UNC80: variants seen among roughly 807,000 people sequenced by gnomAD.
UNC80 encodes protein unc-80 homolog.
In UNC80, 164 loss-of-function variants were observed where a neutral mutation model predicts 384.6. That is an observed-to-expected ratio of 0.43 (90% CI 0.38 to 0.49). UNC80 has a LOEUF of 0.49. Ranked by LOEUF, UNC80 falls within the 20% of genes least tolerant of loss-of-function variation. The pLI, the probability that UNC80 is intolerant of heterozygous loss-of-function variation, is 0.00. For synonymous variants in UNC80, 1,486 were observed against 1,527.8 expected (o/e 0.97, Z 0.64); for missense variants, 3,330 against 4,143.0 (o/e 0.80, Z 5.39).
intron 7 of UNC80, among the ~76,000 whole-genome samples, chr2:209,797,869 G>A (rs151279602): frequency 0.014 from 2,122 of 152,236 alleles, 21 homozygotes; most frequent in Middle Eastern, 0.044. Flanking sequence ...GCATGAGATG[G>A]TATCTCATTG....
intron 53 of UNC80, among the ~76,000 whole-genome samples, chr2:209,970,560 C>T (rs1481125890): frequency 6.6e-6 from 1 of 152,178 alleles, no homozygotes; most frequent in East Asian, 1.9e-4. Flanking sequence ...TGTCCAATCT[C>T]CTGATTAGAA....
At chr2:209,927,039 A>G in intron 36 of UNC80, 53 bp downstream of exon 36, 3 of 1,540,104 alleles carry the variant, frequency 1.9e-6, no homozygotes, top group South Asian at 1.2e-5. Flanking sequence ...TGTTTATCTG[A>G]TAGAAGACAG....
At chr2:209,966,826 C>T (rs1254115553) in intron 51 of UNC80, among the ~76,000 whole-genome samples, 1 of 152,090 alleles carries the variant, frequency 6.6e-6, no homozygotes, top group Admixed American at 6.6e-5. Context: ...AGAATCTCAA[C>T]AGAGAGAAAG....
chr2:209,953,986 C>T (rs765632746), intron 47 of UNC80, 114 bp from the exon 48 acceptor site: 25 of 1,183,322 alleles, frequency 2.1e-5, no homozygotes, highest in Admixed American at 3.1e-5. Context: ...TGGCAAGGGG[C>T]CTTAGAATTC....
At position 209,883,734 on chromosome 2, in the gene UNC80, C is replaced by T. The variant is rs1324551490; in HGVS notation, c.4110+2640C>T. Among the ~76,000 whole-genome samples the T allele has an allele frequency of 2.0e-5, 3 of 152,158 alleles. No individual in the cohort carries two copies. In the South Asian group the frequency reaches 6.2e-4, roughly 32 times the overall value. On this transcript the variant is annotated intron_variant, in intron 25 of 64. Transcript: ENST00000673920. ...AGGCGTGAGCCACAGCATCTGGCCCCCACTCTTTGATTCTATAAATTTGAC... is the reference window on the plus strand; with the variant it reads ...AGGCGTGAGCCACAGCATCTGGCCCTCACTCTTTGATTCTATAAATTTGAC...
intron 20 of UNC80, among the ~76,000 whole-genome samples, chr2:209,841,875 TTTAA>T (rs1159644149): frequency 6.6e-6 from 1 of 152,206 alleles, no homozygotes; most frequent in African/African-American, 2.4e-5. Context: ...AAGAACATAT[TTTAA>T]TTCTTAGAAA....
chr2:209,865,082 G>A (rs2083624682), intron 22 of UNC80, among the ~76,000 whole-genome samples: 1 of 152,164 alleles, frequency 6.6e-6, no homozygotes, highest in African/African-American at 2.4e-5. Context: ...TGGCTTGGGG[G>A]AGGACACTCC....
chr2:209,786,117 A>C lies in UNC80; in HGVS notation c.652A>C (p.Met218Leu), dbSNP rs773609960. 6.2e-7 allele frequency: 1 copy of C among 1,614,086 alleles called. No individual in the cohort carries two copies. Among genetic ancestry groups the C allele is most frequent in the Non-Finnish European group, 8.5e-7 (1 of 1,179,976 alleles). Reference protein sequence around the residue: ...LASGLVIWQPMWEHRQPGVSG... With the variant: ...LASGLVIWQPLWEHRQPGVSG... ...CAGTGGGCTTGTTATATGGCAGCCCATGTGGGAACACAGACAGCCCGGAGT... is the reference window on the plus strand; with the variant it reads ...CAGTGGGCTTGTTATATGGCAGCCCCTGTGGGAACACAGACAGCCCGGAGT... The change falls in exon 5 of 65, where the codon ATG becomes CTG. Residue 218 changes from methionine (M) to leucine (L), a missense_variant. Physicochemically the swap from Met to Leu is conservative, Grantham distance 15 (BLOSUM62 2). Coordinates refer to ENST00000673920, the MANE Select transcript of UNC80 (RefSeq NM_001371986.1).
At chr2:209,900,530 A>G (rs1396668250) in intron 28 of UNC80, among the ~76,000 whole-genome samples, 1 of 152,130 alleles carries the variant, frequency 6.6e-6, no homozygotes, top group African/African-American at 2.4e-5. Flanking sequence ...TCCCTCTTCT[A>G]GGGCCTCCCT....
intron 36 of UNC80, among the ~76,000 whole-genome samples, chr2:209,928,533 A>C (rs1247835799): frequency 6.6e-6 from 1 of 152,148 alleles, no homozygotes; most frequent in Non-Finnish European, 1.5e-5. Context: ...AATAACATGA[A>C]CATTTTTAAA....
At chr2:209,813,551 A>G (rs377083243) in intron 7 of UNC80, 29 bp from the exon 8 acceptor site, 3 of 1,542,832 alleles carry the variant, frequency 1.9e-6, no homozygotes, top group Non-Finnish European at 2.6e-6. Context: ...GATTGTCAGT[A>G]TAATTATCTT....
chr2:209,820,445 T>G lies in UNC80; in HGVS notation c.2097T>G (p.Ser699Arg), dbSNP rs1299214369. The change falls in exon 13 of 65, where the codon AGT (serine) becomes AGG (arginine). Residue 699 changes from serine to arginine, a missense_variant. Ser to Arg is a moderately radical substitution (Grantham distance 110). Coordinates refer to ENST00000673920, the MANE Select transcript of UNC80 (RefSeq NM_001371986.1). ...VPCVEKNRKKSENKENETLEK... is the reference protein window; with the variant it reads ...VPCVEKNRKKRENKENETLEK... ...GTGTAGAAAAGAATAGAAAGAAGAG[T>G]GAAAACAAGGAAAATGAGACCTTGG... is the stretch of plus-strand genomic sequence containing the variant. 2.6e-6 allele frequency: 4 copies of G among 1,550,876 alleles called. No individual in the cohort carries two copies. In the South Asian group the frequency reaches 4.8e-5, roughly 18 times the overall value.
chr2:209,933,745 C>A, intron 38 of UNC80, 77 bp from the exon 39 acceptor site: 1 of 1,345,986 alleles, frequency 7.4e-7, no homozygotes, highest in Non-Finnish European at 1.0e-6. Flanking sequence ...GAGTTTAAAA[C>A]AAGAAAAGCT....
rs552792578 is a variant in UNC80, at chr2:209,819,472, C to CTCAGAATAT, written c.1962+213_1962+221dup. ...AGCATTGCATTAGATTTGATCTGAT[C>CTCAGAATAT]TCAGAATATTTTTATAATCCAAAAC... On this transcript the variant is annotated intron_variant, in intron 12 of 64. Transcript: ENST00000673920. Among the ~76,000 whole-genome samples, 438 of 150,992 alleles carry CTCAGAATAT rather than the reference C, an allele frequency of 2.9e-3. 3 individuals are homozygous for CTCAGAATAT. Among genetic ancestry groups the CTCAGAATAT allele is most frequent in the African/African-American group, 0.01 (418 of 41,184 alleles).
intron 47 of UNC80, among the ~76,000 whole-genome samples, chr2:209,950,345 A>T (rs981948228): frequency 9.9e-5 from 15 of 151,984 alleles, no homozygotes; most frequent in African/African-American, 2.7e-4. Context: ...TAAAAAAAAA[A>T]TTTTAATGAC....
chr2:209,840,507 G>T (rs774169124), intron 19 of UNC80, 35 bp from the exon 20 acceptor site: 3 of 1,506,380 alleles, frequency 2.0e-6, no homozygotes, highest in South Asian at 1.2e-5. Context: ...GATAGAAAAT[G>T]CTACATTGAT....
intron 22 of UNC80, among the ~76,000 whole-genome samples, chr2:209,868,047 C>G (rs374866969): frequency 1.3e-5 from 2 of 152,286 alleles, no homozygotes; most frequent in East Asian, 3.9e-4. Context: ...GGTCTTCAGC[C>G]TACCCACAGC....
At chr2:209,804,688 T>C (rs1170475942) in intron 7 of UNC80, among the ~76,000 whole-genome samples, 1 of 151,498 alleles carries the variant, frequency 6.6e-6, no homozygotes, top group African/African-American at 2.4e-5. Flanking sequence ...GTTATATATA[T>C]ATATATGTAA....
chr2:209,910,925 GA>G (rs1447234603), intron 29 of UNC80, among the ~76,000 whole-genome samples: 1 of 152,086 alleles, frequency 6.6e-6, no homozygotes, highest in Admixed American at 6.6e-5. Flanking sequence ...ATGCATGGGG[GA>G]AAAGGCTGAA....
Sources: allele counts gnomAD v4.1 joint callset (sites outside exome capture counted in the v4.1 genomes callset), GRCh38; gene constraint gnomAD v4.1.1; transcripts MANE v1.5; gene names NCBI Gene and HGNC (gene_info 2026-07-23, HGNC 2026-07-21).